The following ASH1L variants were observed in gnomAD, a reference collection of about 807,000 sequenced individuals.
ASH1L encodes the protein ASH1 like histone lysine methyltransferase.
In ASH1L, 23 loss-of-function variants were observed where a neutral mutation model predicts 269.0. The observed-to-expected ratio is 0.09, with a 90% CI of 0.06 to 0.12. The LOEUF (loss-of-function observed/expected upper bound fraction) is 0.12. Among genes scored for constraint, ASH1L ranks in the 10% least tolerant of loss-of-function variants. ASH1L has a pLI of 1.00. For synonymous variants in ASH1L, 1,187 were observed against 1,253.5 expected (o/e 0.95, Z 1.12); for missense variants, 2,912 against 3,567.8 (o/e 0.82, Z 4.68).
At chr1:155,373,471 T>C (rs1196652357) in intron 10 of ASH1L, among the ~76,000 whole-genome samples, 1 of 151,826 alleles carries the variant, frequency 6.6e-6, no homozygotes, top group African/African-American at 2.4e-5. Flanking sequence ...AAAAAATTAT[T>C]TGTAGAGGTG....
intron 1 of ASH1L, among the ~76,000 whole-genome samples, chr1:155,527,591 C>T (rs1193405970): frequency 2.1e-5 from 3 of 143,224 alleles, no homozygotes; most frequent in Non-Finnish European, 4.5e-5. Flanking sequence ...GGCCAGAGTG[C>T]AGTGGCACAA....
chr1:155,343,123 A>G lies in ASH1L; in HGVS notation c.8293+191T>C, dbSNP rs900247065. 1.1e-5 allele frequency: 6 copies of G among 553,322 alleles called. No individual in the cohort carries two copies. The highest frequency in any genetic ancestry group is 1.9e-5 in the Non-Finnish European group (6 of 318,784). 34.3% of individuals were successfully genotyped at this position (553,322 alleles called of 1,614,324 possible). A position where few individuals can be genotyped will look rare whatever the true frequency, so the allele number is the denominator to read the frequency against. On this transcript the variant is annotated intron_variant, in intron 24 of 27. Transcript: ENST00000392403. This position sits in a 1 kb window ranked among gnomAD's most constrained non-coding sequence, Gnocchi z 6.1. The stretch of plus-strand genomic sequence containing the variant: ...GCCTCCCAGGCTCAGCAATCCTCCC[A>G]GTAGTTGGGACTACAGGCCTACACT...
In ASH1L at chr1:155,480,234, T is replaced by C. The variant is rs1217872164; in HGVS notation, c.2636A>G (p.Gln879Arg). ...QPEIEIPSFK[Q>R]GLSVSPFPKK... ...TGGAAAAGGAGACACAGACAGACCTTGTTTGAAGGAAGGGATTTCAATTTC... is the reference window on the plus strand; with the variant it reads ...TGGAAAAGGAGACACAGACAGACCTCGTTTGAAGGAAGGGATTTCAATTTC... The change falls in exon 3 of 28, where the codon CAA (glutamine) becomes CGA (arginine). Residue 879 changes from glutamine (Q) to arginine (R), a missense_variant. Gln to Arg is a conservative substitution (Grantham distance 43). This residue lies in a region of ASH1L where 715 missense variants were observed against 721.0 expected (regional missense o/e 0.99). Transcript: ENST00000392403. 7 of 1,614,028 alleles carry C rather than the reference T, an allele frequency of 4.3e-6. No homozygotes were observed. The highest frequency in any genetic ancestry group is 5.9e-6 in the Non-Finnish European group (7 of 1,180,004).
At chr1:155,354,448 A>G (rs759686348) in intron 16 of ASH1L, 25 bp downstream of exon 16, 6 of 1,600,410 alleles carry the variant, frequency 3.7e-6, no homozygotes, top group Non-Finnish European at 5.1e-6. Flanking sequence ...TGTCTCAAAA[A>G]AAAGAAATGT....
chr1:155,354,849 C>G (rs1044196823), intron 15 of ASH1L, among the ~76,000 whole-genome samples: 1 of 152,156 alleles, frequency 6.6e-6, no homozygotes, highest in Non-Finnish European at 1.5e-5. Context: ...CAATTAAAGG[C>G]TGCAAAAATG....
intron 4 of ASH1L, among the ~76,000 whole-genome samples, chr1:155,448,538 C>T (rs1398322148): frequency 2.6e-5 from 4 of 152,190 alleles, no homozygotes; most frequent in Non-Finnish European, 1.5e-5. Flanking sequence ...CTCCGTCACC[C>T]AGGCTGGAGT....
At chr1:155,425,497 G>A (rs1196633880) in intron 5 of ASH1L, among the ~76,000 whole-genome samples, 1 of 150,508 alleles carries the variant, frequency 6.6e-6, no homozygotes, top group Non-Finnish European at 1.5e-5. Flanking sequence ...GGAGTGCAAT[G>A]GTGCGATCTT....
chr1:155,551,332 A>G (rs1259201878), intron 1 of ASH1L, among the ~76,000 whole-genome samples: 3 of 152,174 alleles, frequency 2.0e-5, no homozygotes, highest in African/African-American at 7.2e-5. Context: ...AAATAATCAT[A>G]TACCAGGAAT....
chr1:155,412,926 G>T (rs1256951728), intron 6 of ASH1L, among the ~76,000 whole-genome samples: 1 of 150,888 alleles, frequency 6.6e-6, no homozygotes, highest in African/African-American at 2.4e-5. Flanking sequence ...GAAAAAAATG[G>T]TTTTTTTTAA....
At chr1:155,508,986 C>A (rs1667991479) in intron 2 of ASH1L, among the ~76,000 whole-genome samples, 1 of 152,054 alleles carries the variant, frequency 6.6e-6, no homozygotes, top group Non-Finnish European at 1.5e-5. Context: ...AAGTAGTCAT[C>A]ATCAAATTAG....
intron 2 of ASH1L, among the ~76,000 whole-genome samples, chr1:155,496,944 C>G (rs953186871): frequency 1.3e-5 from 2 of 152,108 alleles, no homozygotes; most frequent in African/African-American, 4.8e-5. Flanking sequence ...CCCCACCCAG[C>G]CAATTATTAG....
chr1:155,402,734 G>T (rs561713065), intron 6 of ASH1L, among the ~76,000 whole-genome samples: 51 of 152,080 alleles, frequency 3.4e-4, no homozygotes, highest in African/African-American at 7.7e-4. Context: ...AAAACTTTTT[G>T]TAGAGATGGG....
At chr1:155,432,478 T>C (rs1661683222) in intron 5 of ASH1L, among the ~76,000 whole-genome samples, 1 of 152,114 alleles carries the variant, frequency 6.6e-6, no homozygotes, top group African/African-American at 2.4e-5. Context: ...AAATACTAAT[T>C]GAAAAAATAA....
At chr1:155,483,948 T>C (rs1474483298) in intron 2 of ASH1L, among the ~76,000 whole-genome samples, 2 of 152,284 alleles carry the variant, frequency 1.3e-5, no homozygotes, top group Middle Eastern at 3.4e-3. Context: ...CTATGCCTTA[T>C]ACATATAATA....
At chr1:155,348,195 A>T (rs1653535248) in intron 19 of ASH1L, among the ~76,000 whole-genome samples, 1 of 152,188 alleles carries the variant, frequency 6.6e-6, no homozygotes, top group South Asian at 2.1e-4. Flanking sequence ...ATGAAATATG[A>T]ATTGATATCA....
intron 1 of ASH1L, among the ~76,000 whole-genome samples, chr1:155,556,311 T>A (rs1671581453): frequency 6.6e-6 from 1 of 151,790 alleles, no homozygotes; most frequent in Non-Finnish European, 1.5e-5. Flanking sequence ...AGTGGGAGGA[T>A]CAACTGAGCC....
At chr1:155,524,286 GCTGA>G (rs1263857207) in intron 1 of ASH1L, among the ~76,000 whole-genome samples, 5 of 151,128 alleles carry the variant, frequency 3.3e-5, no homozygotes, top group Admixed American at 2.6e-4. Flanking sequence ...ACTTTGGGAG[GCTGA>G]CGGGGCGGAT....
intron 2 of ASH1L, among the ~76,000 whole-genome samples, chr1:155,508,874 GGGTAA>G (rs1157006082): frequency 6.6e-6 from 1 of 152,056 alleles, no homozygotes; most frequent in Non-Finnish European, 1.5e-5. Context: ...ATAATACAGT[GGGTAA>G]GTGCATCAAG....
At position 155,551,462 on chromosome 1, in the gene ASH1L, C is replaced by A. The variant is rs553424979; in HGVS notation, c.-100+10691G>T. Among the ~76,000 whole-genome samples the A allele has an allele frequency of 5.3e-5, 8 of 151,396 alleles. No individual in the cohort carries two copies. In the East Asian group the frequency reaches 1.6e-3, roughly 30 times the overall value. On this transcript the variant is annotated intron_variant, in intron 1 of 27. Coordinates refer to ENST00000392403, the MANE Select transcript of ASH1L (RefSeq NM_018489.3). ...GATCACGAGGTCAGGAGATCGAGAC[C>A]ATCCCGGCTAAAACGGTGAAACCCC...
Sources: gnomAD v4.1 joint callset for allele counts (sites outside exome capture counted in the v4.1 genomes callset) on GRCh38, gnomAD v4.1.1 for gene constraint, gnomAD v4.1.1 regional missense constraint, Gnocchi (gnomAD v3.1) non-coding constraint, MANE v1.5 for transcripts, NCBI Gene and HGNC (gene_info 2026-07-23, HGNC 2026-07-21) for gene names.